The following SLC24A4 variants were observed in gnomAD, a reference collection of about 807,000 sequenced individuals.
SLC24A4 encodes solute carrier family 24 member 4.
SLC24A4 carries 53 observed loss-of-function variants against 79.0 expected under a neutral mutation model. The observed-to-expected ratio is 0.67, with a 90% CI of 0.54 to 0.84. SLC24A4 has a LOEUF of 0.84. SLC24A4 is among the 40% of genes least tolerant of loss of function. The probability of loss-of-function intolerance (pLI) is 0.00; values close to 1 mark genes in which losing one functional copy is unlikely to be tolerated. For synonymous variants in SLC24A4, 323 were observed against 323.8 expected, an observed-to-expected ratio of 1.00 and a Z score of 0.03; for missense variants, 731 against 822.0, an observed-to-expected ratio of 0.89 and a Z score of 1.35.
chr14:92,480,821 T>C (rs896131691), intron 12 of SLC24A4, among the ~76,000 whole-genome samples: 2 of 152,154 alleles, frequency 1.3e-5, no homozygotes, highest in African/African-American at 2.4e-5. Context: ...TTCTGTTCCA[T>C]TGTGGTTGGA....
chr14:92,435,079 A>T (rs925310444), intron 3 of SLC24A4, among the ~76,000 whole-genome samples: 20 of 152,160 alleles, frequency 1.3e-4, no homozygotes, highest in Non-Finnish European at 2.6e-4. Flanking sequence ...CGGCCCACTT[A>T]AAGTATTTTA....
chr14:92,409,072 A>G (rs909944188), intron 2 of SLC24A4, among the ~76,000 whole-genome samples: 3 of 152,192 alleles, frequency 2.0e-5, no homozygotes, highest in African/African-American at 7.2e-5. Context: ...TTCTATAGAA[A>G]GAGGTGGGAC....
intron 2 of SLC24A4, among the ~76,000 whole-genome samples, chr14:92,400,075 G>A (rs908006242): frequency 5.9e-5 from 9 of 151,972 alleles, no homozygotes; most frequent in African/African-American, 2.2e-4. Context: ...TTTAAATAAA[G>A]TACCAGTATG....
At chr14:92,332,296 C>T (rs914934000) in intron 2 of SLC24A4, among the ~76,000 whole-genome samples, 2 of 151,900 alleles carry the variant, frequency 1.3e-5, no homozygotes, top group African/African-American at 4.8e-5. Flanking sequence ...AAACAAAAAA[C>T]AAAAAACCAA....
intron 13 of SLC24A4, among the ~76,000 whole-genome samples, 167 bp downstream of exon 13, chr14:92,483,013 T>C (rs568124651): frequency 4.2e-5 from 1 of 23,734 alleles, no homozygotes; most frequent in South Asian, 4.9e-3. Flanking sequence ...GGTGCATGAC[T>C]CTGTGTCAGG....
At chr14:92,363,042 C>G (rs114958307) in intron 2 of SLC24A4, among the ~76,000 whole-genome samples, 1 of 152,124 alleles carries the variant, frequency 6.6e-6, no homozygotes, top group Non-Finnish European at 1.5e-5. Context: ...GCTTGGAGCA[C>G]GCCAGTGGGT....
intron 2 of SLC24A4, among the ~76,000 whole-genome samples, chr14:92,344,317 T>C (rs761327228): frequency 1.3e-5 from 2 of 152,238 alleles, no homozygotes; most frequent in African/African-American, 4.8e-5. Flanking sequence ...CGTCCCTTCA[T>C]TGCCAACTAG....
chr14:92,329,797 G>T (rs138030494), intron 2 of SLC24A4, among the ~76,000 whole-genome samples: 1 of 152,212 alleles, frequency 6.6e-6, no homozygotes, highest in Non-Finnish European at 1.5e-5. Flanking sequence ...GTGGGCCACC[G>T]TGCCCTCCTC....
chr14:92,326,429 C>G (rs530771261), intron 2 of SLC24A4, among the ~76,000 whole-genome samples: 2 of 152,166 alleles, frequency 1.3e-5, no homozygotes, highest in Admixed American at 6.5e-5. Context: ...GGGTGGGACA[C>G]TCTGGGGTGC....
chr14:92,428,168 G>T (rs528080805), intron 2 of SLC24A4, among the ~76,000 whole-genome samples: 1 of 152,254 alleles, frequency 6.6e-6, no homozygotes, highest in Non-Finnish European at 1.5e-5. Flanking sequence ...AACATCCTGT[G>T]CAGGAATAAG....
chr14:92,393,545 C>CTTT (rs5810597), intron 2 of SLC24A4, among the ~76,000 whole-genome samples: 1,378 of 112,418 alleles, frequency 0.012, 68 homozygotes, highest in African/African-American at 0.041. Flanking sequence ...AAGACACACT[C>CTTT]TTTTTTTTTT....
At chr14:92,460,812 C>T (rs746660727) in intron 12 of SLC24A4, among the ~76,000 whole-genome samples, 3 of 152,204 alleles carry the variant, frequency 2.0e-5, no homozygotes, top group South Asian at 2.1e-4. Context: ...GCTCCCTCCT[C>T]GCTGACCCCA....
At position 92,490,236 on chromosome 14, in the gene SLC24A4, A is replaced by G. The variant is rs1389547915; in HGVS notation, c.1538-1429A>G. ...TTTCAGGTTTGTTCATTCCAAAAAC[A>G]TGTGTATGTGTGCCAGGTTAGGACA... On this transcript the variant is annotated intron_variant, in intron 14 of 16. Coordinates refer to ENST00000532405, the MANE Select transcript of SLC24A4 (RefSeq NM_153646.4). The surrounding 1 kb of genome is among the most constrained non-coding windows in gnomAD (Gnocchi z 4.3). Among the ~76,000 whole-genome samples the G allele has an allele frequency of 1.3e-5, 2 of 152,008 alleles. No homozygotes were observed. Among genetic ancestry groups the G allele is most frequent in the Admixed American group, 6.6e-5 (1 of 15,252 alleles).
intron 2 of SLC24A4, among the ~76,000 whole-genome samples, chr14:92,339,893 G>A (rs74981433): frequency 0.015 from 2,266 of 152,318 alleles, 59 homozygotes; most frequent in African/African-American, 0.052. Flanking sequence ...ATAATGAGAA[G>A]TTATTGCAAA....
intron 2 of SLC24A4, among the ~76,000 whole-genome samples, chr14:92,333,493 G>A (rs1885597360): frequency 6.6e-6 from 1 of 152,162 alleles, no homozygotes; most frequent in Non-Finnish European, 1.5e-5. Flanking sequence ...AAAGAAGGAC[G>A]GAGCGGGGCT....
chr14:92,327,471 A>G (rs1885214136), intron 2 of SLC24A4, among the ~76,000 whole-genome samples: 1 of 152,230 alleles, frequency 6.6e-6, no homozygotes, highest in African/African-American at 2.4e-5. Context: ...GCGTGAGGCC[A>G]AGGATGGTTA....
chr14:92,400,578 A>G lies in SLC24A4; in HGVS notation c.242-33334A>G, dbSNP rs562708729. Among the ~76,000 whole-genome samples, 10 of 152,278 alleles carry G rather than the reference A, an allele frequency of 6.6e-5. No homozygotes were observed. The South Asian group carries it at 2.1e-3, about 32-fold the overall frequency. ...CGCCTTCTTTGGGGCATGCAGGACT[A>G]CGGTTCTTTTTACCCTTGACTTTGA... On this transcript the variant is annotated intron_variant, in intron 2 of 16. Transcript: ENST00000532405.
intron 2 of SLC24A4, among the ~76,000 whole-genome samples, chr14:92,393,566 T>TTTTTA (rs1555365263): frequency 1.4e-5 from 2 of 146,300 alleles, no homozygotes; most frequent in Non-Finnish European, 3.0e-5. Flanking sequence ...TTTTTTTTTT[T>TTTTTA]ACGGAGTCTC....
chr14:92,389,178 A>G (rs1889330930), intron 2 of SLC24A4, among the ~76,000 whole-genome samples: 1 of 152,012 alleles, frequency 6.6e-6, no homozygotes, highest in Non-Finnish European at 1.5e-5. Flanking sequence ...GTCTATTCCT[A>G]TGTATGTTTG....
Sources: gnomAD v4.1 joint callset for allele counts (sites outside exome capture counted in the v4.1 genomes callset) on GRCh38, gnomAD v4.1.1 for gene constraint, Gnocchi (gnomAD v3.1) non-coding constraint, MANE v1.5 for transcripts, NCBI Gene and HGNC (gene_info 2026-07-23, HGNC 2026-07-21) for gene names.